Variants in HGFAC observed in about 807,000 individuals in gnomAD.
HGFAC encodes HGF activator.
HGFAC carries 76 observed loss-of-function variants against 70.6 expected under a neutral mutation model. The ratio of observed to expected loss-of-function variants is 1.08; its 90% CI spans 0.89 to 1.30. The LOEUF (loss-of-function observed/expected upper bound fraction) is 1.30. HGFAC is among the 50% of genes most tolerant of loss of function. The pLI is 0.00. For synonymous variants in HGFAC, 464 were observed against 405.3 expected (o/e 1.14, Z -1.74); for missense variants, 1,044 against 933.7 (o/e 1.12, Z -1.54).
chr4:3,449,195 C>A, intron 13 of HGFAC, 42 bp from the exon 14 acceptor site: 1 of 1,575,872 alleles, frequency 6.3e-7, no homozygotes, highest in South Asian at 1.1e-5. Context: ...GTCCCTGAAC[C>A]AGGCCCCTGG....
Position 3,444,625 on chromosome 4 carries a change from T to G in HGFAC, c.733T>G (p.Cys245Gly), listed in dbSNP as rs758454671. Residue 245 changes from cysteine (C) to glycine (G), a missense_variant and splice_region_variant, in exon 7 of 14, where the codon TGT becomes GGT. Cys to Gly is a radical substitution (Grantham distance 159). Transcript: ENST00000382774. Reference sequence around the variant, plus strand: ...CAGCTCCTCGGCCCTGCCCCCAGCTTGTCTGAGCAGCCCTTGCCTGAACGG... The same window carrying G: ...CAGCTCCTCGGCCCTGCCCCCAGCTGGTCTGAGCAGCCCTTGCCTGAACGG... ...TWCEGTRHTACLSSPCLNGGT... is the reference protein window; with the variant it reads ...TWCEGTRHTAGLSSPCLNGGT... 6.3e-7 allele frequency: 1 copy of G among 1,593,096 alleles called. No homozygotes were observed. The highest frequency in any genetic ancestry group is 8.5e-7 in the Non-Finnish European group (1 of 1,175,596).
rs546271500 is a variant in HGFAC, at chr4:3,445,852, C to T, written c.1103-190C>T. ...TCTGGCCCTCACAGAGCCTCGGGAT[C>T]GGGCATCAAACCCCATTCTACAGAT... On this transcript the variant is annotated intron_variant, in intron 9 of 13. Coordinates refer to ENST00000382774, the MANE Select transcript of HGFAC (RefSeq NM_001528.4). 5.0e-5 allele frequency: 76 copies of T among 1,532,400 alleles called. No individual in the cohort carries two copies. In the African/African-American group the frequency reaches 5.8e-4, roughly 12 times the overall value. The allele number at this position is 1,532,400 out of a possible 1,614,324, so 94.9% of individuals were successfully genotyped here. A position where few individuals can be genotyped will look rare whatever the true frequency, so the allele number is the denominator to read the frequency against.
upstream of HGFAC, chr4:3,441,926 C>T: frequency 2.5e-6 from 2 of 816,020 alleles, no homozygotes; most frequent in Middle Eastern, 3.7e-4. The surrounding 1 kb of genome is among the most constrained non-coding windows in gnomAD (Gnocchi z 6.0). Flanking sequence ...TTAATCATTT[C>T]CACGAAGCCT....
In HGFAC at chr4:3,444,239, C is replaced by T. The variant is rs571948667; in HGVS notation, c.599-72C>T. 2.6e-4 allele frequency: 411 copies of T among 1,561,290 alleles called. 1 individual carries two copies. Among genetic ancestry groups the T allele is most frequent in the Non-Finnish European group, 3.2e-4 (369 of 1,154,084 alleles). On this transcript the variant is annotated intron_variant, in intron 5 of 13. Transcript: ENST00000382774. ...GGAGGATGGGAGAACAGGTGGCTCC[C>T]GAGTGCAGGGCAGGGGCCCTGCACG...
rs1171548839 is a variant in HGFAC at position 3,446,062 on chromosome 4, C to G, written c.1123C>G (p.Leu375Val). The change falls in exon 10 of 14, where the codon CTG becomes GTG. Residue 375 changes from leucine (L) to valine (V), a missense_variant. By Grantham distance (32) the Leu-to-Val change is conservative (BLOSUM62 1). Transcript: ENST00000382774. ...CCCAGAATCCCTCACCAGAGTCCAA[C>G]TGTCACCGGATCTCCTGGCGACCCT... ...EACESLTRVQ[L>V]SPDLLATLPE... The G allele has an allele frequency of 1.2e-6, 2 of 1,609,384 alleles. No individual in the cohort carries two copies. The highest frequency in any genetic ancestry group is 1.7e-6 in the Non-Finnish European group (2 of 1,178,412).
intron 10 of HGFAC, 115 bp from the exon 11 acceptor site, chr4:3,447,377 C>G: frequency 8.2e-7 from 1 of 1,216,594 alleles, no homozygotes; most frequent in East Asian, 2.4e-5. Flanking sequence ...AGACCCCTCC[C>G]CGGGACCAGG....
chr4:3,442,265 C>T (rs1468645339), intron 1 of HGFAC, 147 bp downstream of exon 1: 15 of 615,212 alleles, frequency 2.4e-5, no homozygotes, highest in East Asian at 1.3e-4. Context: ...GAAAGCTGGC[C>T]CTCACAGGGC....
rs544855661 is a variant in HGFAC at position 3,448,654 on chromosome 4, A to T, written c.1785+378A>T. On this transcript the variant is annotated intron_variant, in intron 13 of 13. Transcript: ENST00000382774. ...TCTTCAACCTTCAATAAGTTCTTCA[A>T]CCTTCAATAAGCCCAACAGCCCAAC... is the stretch of plus-strand genomic sequence containing the variant. 1.1e-4 allele frequency among the ~76,000 whole-genome samples: 17 copies of T among 150,446 alleles called. 1 individual carries two copies. Among genetic ancestry groups the T allele is most frequent in the African/African-American group, 3.5e-4 (14 of 39,896 alleles).
intron 9 of HGFAC, 134 bp from the exon 10 acceptor site, chr4:3,445,908 C>T: frequency 1.9e-6 from 3 of 1,550,530 alleles, no homozygotes; most frequent in Non-Finnish European, 2.6e-6. Context: ...TGAGTGGGCG[C>T]CAGGGCCTGA....
rs749450080 is a variant in HGFAC at position 3,444,349 on chromosome 4, G to T, written c.637G>T (p.Gly213Trp). Residue 213 changes from glycine (G) to tryptophan (W), a missense_variant, in exon 6 of 14, where the codon GGG becomes TGG. Coordinates refer to ENST00000382774, the MANE Select transcript of HGFAC (RefSeq NM_001528.4). ...FDETRYEYLE[G>W]GDRWARVRQG... ...TGAGACCCGCTACGAGTACCTGGAG[G>T]GGGGCGACCGCTGGGCCCGCGTGCG... The T allele has an allele frequency of 2.7e-5, 43 of 1,599,048 alleles. No homozygotes were observed. Among genetic ancestry groups the T allele is most frequent in the Non-Finnish European group, 3.5e-5 (41 of 1,174,106 alleles).
At chr4:3,442,374 G>T (rs1725345770) in intron 1 of HGFAC, among the ~76,000 whole-genome samples, 1 of 152,214 alleles carries the variant, frequency 6.6e-6, no homozygotes, top group African/African-American at 2.4e-5. Context: ...GCCCCTATGG[G>T]TCTGGGGGCT....
At chr4:3,446,653 C>T (rs1373557574) in intron 10 of HGFAC, among the ~76,000 whole-genome samples, 3 of 152,118 alleles carry the variant, frequency 2.0e-5, no homozygotes, top group South Asian at 2.1e-4. Context: ...AGTGACAATG[C>T]GTCAGAGCCC....
At chr4:3,441,420 G>C (rs867604541), upstream of HGFAC, among the ~76,000 whole-genome samples, 28 of 152,272 alleles carry the variant, frequency 1.8e-4, no homozygotes, top group Middle Eastern at 3.4e-3. The surrounding 1 kb of genome is among the most constrained non-coding windows in gnomAD (Gnocchi z 6.0). Flanking sequence ...CAGCCATTGC[G>C]TGGCCCCTCT....
intron 10 of HGFAC, among the ~76,000 whole-genome samples, chr4:3,447,113 G>A (rs1196812244): frequency 1.3e-5 from 2 of 152,220 alleles, no homozygotes; most frequent in African/African-American, 4.8e-5. Flanking sequence ...GGCTGCATCT[G>A]GGGACCCCAC....
At position 3,448,244 on chromosome 4, in the gene HGFAC, G is replaced by A. The variant is rs370129244; in HGVS notation, c.1753G>A (p.Gly585Ser). Residue 585 changes from glycine (G) to serine (S), a missense_variant, in exon 13 of 14, where the codon GGC becomes AGC. Physicochemically the swap from Gly to Ser is moderately conservative, Grantham distance 56 (BLOSUM62 0). Coordinates refer to ENST00000382774, the MANE Select transcript of HGFAC (RefSeq NM_001528.4). ...ADISPNMLCAGYFDCKSDACQ... is the reference protein window; with the variant it reads ...ADISPNMLCASYFDCKSDACQ... The stretch of plus-strand genomic sequence containing the variant: ...CATCAGCCCCAACATGCTCTGTGCC[G>A]GCTACTTCGACTGCAAGTCCGACGC... 13 of 1,607,230 alleles carry A rather than the reference G, an allele frequency of 8.1e-6. No homozygotes were observed. Among genetic ancestry groups the A allele is most frequent in the South Asian group, 2.2e-5 (2 of 90,546 alleles).
At chr4:3,447,684 C>G in intron 11 of HGFAC, 53 bp downstream of exon 11, 1 of 1,603,736 alleles carries the variant, frequency 6.2e-7, no homozygotes. Flanking sequence ...CCTGTGCTCC[C>G]CAGGCCAGGC....
chr4:3,443,098 GC>G lies in HGFAC; in HGVS notation c.349del (p.Arg117AlafsTer130). 1 of 1,596,920 alleles carries G rather than the reference GC, an allele frequency of 6.3e-7. No homozygotes were observed. Among genetic ancestry groups the G allele is most frequent in the Non-Finnish European group, 8.5e-7 (1 of 1,177,186 alleles). The part of the protein sequence containing the change: ...RPCRFPFRYG[G>X]RMLHACTSEG... ...TGCAGGTTCCCCTTCCGCTACGGGG[GC>G]CGCATGCTGCATGCCTGCACTTCGG... is the stretch of plus-strand genomic sequence containing the variant. On this transcript the variant is annotated frameshift_variant, in exon 3 of 14. Transcript: ENST00000382774. LOFTEE classifies it high-confidence loss of function.
At position 3,441,980 on chromosome 4, in the gene HGFAC, C is replaced by T; in HGVS notation, c.-22C>T. On this transcript the variant is annotated 5_prime_UTR_variant, in exon 1 of 14. Coordinates refer to ENST00000382774, the MANE Select transcript of HGFAC (RefSeq NM_001528.4). The surrounding 1 kb of genome is among the most constrained non-coding windows in gnomAD (Gnocchi z 6.0). ...CCGCTCTGCTCCCGCCTCCCACTGC[C>T]CCTCAGGCCAGCTCAGGAGCCATGG... 1 of 1,368,624 alleles carries T rather than the reference C, an allele frequency of 7.3e-7. No individual in the cohort carries two copies. 84.8% of individuals were successfully genotyped at this position (1,368,624 alleles called of 1,614,324 possible). A position where few individuals can be genotyped will look rare whatever the true frequency, so the allele number is the denominator to read the frequency against.
rs1381227142 is a variant in HGFAC, at chr4:3,445,288, C to T, written c.1040C>T (p.Pro347Leu). ...YCRNPDNDER[P>L]WCYVVKDSAL... The stretch of plus-strand genomic sequence containing the variant: ...AGGAATCCGGACAATGACGAGAGGC[C>T]CTGGTGCTACGTGGTGAAGGACAGC... The change falls in exon 9 of 14, where the codon CCC becomes CTC. Residue 347 changes from proline to leucine, a missense_variant. Transcript: ENST00000382774. 7 of 1,586,952 alleles carry T rather than the reference C, an allele frequency of 4.4e-6. No homozygotes were observed. The highest frequency in any genetic ancestry group is 1.8e-5 in the Admixed American group (1 of 56,704).
Sources: gnomAD v4.1 joint callset for allele counts (sites outside exome capture counted in the v4.1 genomes callset) on GRCh38, gnomAD v4.1.1 for gene constraint, Gnocchi (gnomAD v3.1) non-coding constraint, MANE v1.5 for transcripts, NCBI Gene and HGNC (gene_info 2026-07-23, HGNC 2026-07-21) for gene names.